Variants in GPC6 observed in about 807,000 individuals in gnomAD.
GPC6 encodes the protein glypican-6.
GPC6 carries 14 observed loss-of-function variants against 55.2 expected under a neutral mutation model. The ratio of observed to expected loss-of-function variants is 0.25; its 90% CI spans 0.17 to 0.40. The LOEUF (loss-of-function observed/expected upper bound fraction) is 0.40, where lower values mean the gene tolerates loss of function less well. Ranked by LOEUF, GPC6 falls within the 10% of genes least tolerant of loss-of-function variation. GPC6 has a pLI of 1.00. For missense variants in GPC6, 641 were observed against 708.5 expected (o/e 0.90, Z 1.08); for synonymous variants, 278 against 259.6 (o/e 1.07, Z -0.68).
intron 1 of GPC6, among the ~76,000 whole-genome samples, chr13:93,346,583 G>A (rs1880438751): frequency 6.6e-6 from 1 of 152,154 alleles, no homozygotes; most frequent in Non-Finnish European, 1.5e-5. Flanking sequence ...TGTAGAAAGT[G>A]CATCTCTGTT....
intron 1 of GPC6, among the ~76,000 whole-genome samples, chr13:93,483,932 T>C (rs1266246149): frequency 6.6e-6 from 1 of 152,192 alleles, no homozygotes; most frequent in Non-Finnish European, 1.5e-5. Flanking sequence ...ACAAGACTTA[T>C]TTGTGTAGAA....
intron 3 of GPC6, among the ~76,000 whole-genome samples, chr13:93,966,955 T>C (rs1218135084): frequency 6.6e-6 from 1 of 152,136 alleles, no homozygotes; most frequent in East Asian, 1.9e-4. Flanking sequence ...GCACCCGACA[T>C]GTTTCATTAT....
At chr13:94,365,821 C>A (rs1879263531) in intron 6 of GPC6, among the ~76,000 whole-genome samples, 1 of 152,160 alleles carries the variant, frequency 6.6e-6, no homozygotes, top group African/African-American at 2.4e-5. Flanking sequence ...TTCTTGTTTC[C>A]TGGTAAGTTC....
chr13:94,174,724 A>G (rs1394669383), intron 4 of GPC6, among the ~76,000 whole-genome samples: 1 of 152,194 alleles, frequency 6.6e-6, no homozygotes, highest in Non-Finnish European at 1.5e-5. Flanking sequence ...GCTTATTTAC[A>G]GTTATGAAAA....
Position 93,724,265 on chromosome 13 carries a change from T to C in GPC6, c.320-105889T>C, listed in dbSNP as rs182580515. Among the ~76,000 whole-genome samples the C allele has an allele frequency of 3.5e-3, 530 of 152,122 alleles. 5 individuals carry two copies. Among genetic ancestry groups the C allele is most frequent in the African/African-American group, 0.012 (509 of 41,546 alleles). The stretch of plus-strand genomic sequence containing the variant: ...ACTTTCAGTTTGAAGATGTATTGCT[T>C]TCAGGGGGAGTTTGTTACTAATGTT... On this transcript the variant is annotated intron_variant, in intron 2 of 8. Coordinates refer to ENST00000377047, the MANE Select transcript of GPC6 (RefSeq NM_005708.5).
chr13:93,640,646 C>T (rs981223982), intron 2 of GPC6, among the ~76,000 whole-genome samples: 2 of 151,968 alleles, frequency 1.3e-5, no homozygotes, highest in Non-Finnish European at 2.9e-5. Flanking sequence ...AGAATAAAAG[C>T]AGCCAAGCAA....
intron 1 of GPC6, among the ~76,000 whole-genome samples, chr13:93,273,769 T>G (rs1372579463): frequency 6.6e-6 from 1 of 152,210 alleles, no homozygotes; most frequent in Non-Finnish European, 1.5e-5. Flanking sequence ...CCCTTTAAGA[T>G]CAACTGATTG....
chr13:93,402,617 G>C (rs968514418), intron 1 of GPC6, among the ~76,000 whole-genome samples: 1 of 152,138 alleles, frequency 6.6e-6, no homozygotes, highest in African/African-American at 2.4e-5. Context: ...ACTGACAGTA[G>C]CCATATGTGC....
At chr13:94,063,965 C>A (rs1229138093) in intron 4 of GPC6, among the ~76,000 whole-genome samples, 8 of 152,126 alleles carry the variant, frequency 5.3e-5, no homozygotes, top group Admixed American at 5.2e-4. Context: ...CCAGGAAGAG[C>A]TGAGTATATT....
chr13:94,227,112 T>G (rs1890582971), intron 4 of GPC6, among the ~76,000 whole-genome samples: 1 of 152,228 alleles, frequency 6.6e-6, no homozygotes, highest in Non-Finnish European at 1.5e-5. Context: ...TAGAGGATTT[T>G]GTAGTCAACA....
intron 4 of GPC6, among the ~76,000 whole-genome samples, chr13:94,182,613 G>C: frequency 6.6e-6 from 1 of 152,090 alleles, no homozygotes; most frequent in East Asian, 1.9e-4. Flanking sequence ...CCTAAACCTT[G>C]AAGAAAAGTG....
chr13:93,645,981 G>A (rs1352908442), intron 2 of GPC6, among the ~76,000 whole-genome samples: 3 of 152,032 alleles, frequency 2.0e-5, no homozygotes, highest in Non-Finnish European at 4.4e-5. Flanking sequence ...CGACAGTACT[G>A]GGGAAATTAT....
intron 3 of GPC6, among the ~76,000 whole-genome samples, chr13:93,847,221 G>T (rs968328050): frequency 1.3e-5 from 2 of 152,114 alleles, no homozygotes; most frequent in Non-Finnish European, 2.9e-5. Flanking sequence ...ACTACTCTGT[G>T]ATTTTCAGTC....
chr13:94,344,213 T>G (rs781320673), intron 6 of GPC6, among the ~76,000 whole-genome samples: 5 of 152,166 alleles, frequency 3.3e-5, no homozygotes, highest in African/African-American at 4.8e-5. Flanking sequence ...TATGGAAAAT[T>G]TTGATATTTT....
intron 2 of GPC6, among the ~76,000 whole-genome samples, chr13:93,702,926 C>T (rs1882722004): frequency 6.6e-6 from 1 of 151,954 alleles, no homozygotes; most frequent in Admixed American, 6.6e-5. Flanking sequence ...TTCTTCAGAA[C>T]AGCAATAAGG....
At position 93,676,158 on chromosome 13, in the gene GPC6, TATATATATATACATACAC is replaced by T. The variant is rs1458131353; in HGVS notation, c.319+130739_319+130756del. Among the ~76,000 whole-genome samples, 77 of 23,016 alleles carry T rather than the reference TATATATATATACATACAC, an allele frequency of 3.3e-3. 2 individuals are homozygous for T. The highest frequency in any genetic ancestry group is 7.6e-3 in the African/African-American group (75 of 9,920). 15.1% of individuals were successfully genotyped at this position (23,016 alleles called of 152,430 possible). On this transcript the variant is annotated intron_variant, in intron 2 of 8. Transcript: ENST00000377047. ...ATATATATATATATATATATATATA[TATATATATATACATACAC>T]ACACACACACACACATATATATGTA...
intron 2 of GPC6, among the ~76,000 whole-genome samples, chr13:93,689,837 T>C (rs987279127): frequency 1.3e-5 from 2 of 152,166 alleles, no homozygotes; most frequent in African/African-American, 4.8e-5. Flanking sequence ...ATTATACATT[T>C]AAATACAATT....
At position 93,541,286 on chromosome 13, in the gene GPC6, T is replaced by C. The variant is rs537821068; in HGVS notation, c.161-3977T>C. ...TGAGAATATGCGGCATTTGGTTTTTTTGTTCTTGTGATAGTTTACTGAGAA... is the reference window on the plus strand; with the variant it reads ...TGAGAATATGCGGCATTTGGTTTTTCTGTTCTTGTGATAGTTTACTGAGAA... On this transcript the variant is annotated intron_variant, in intron 1 of 8. Coordinates refer to ENST00000377047, the MANE Select transcript of GPC6 (RefSeq NM_005708.5). 4.1e-5 allele frequency among the ~76,000 whole-genome samples: 6 copies of C among 145,986 alleles called. No individual in the cohort carries two copies. In the East Asian group the frequency reaches 1.2e-3, roughly 30 times the overall value.
intron 4 of GPC6, among the ~76,000 whole-genome samples, chr13:94,042,931 T>C (rs755815374): frequency 9.2e-5 from 14 of 151,908 alleles, no homozygotes; most frequent in Non-Finnish European, 1.5e-4. Flanking sequence ...TGTTTAGTTA[T>C]GTATTTATAT....
Sources: allele counts gnomAD v4.1 joint callset (sites outside exome capture counted in the v4.1 genomes callset), GRCh38; gene constraint gnomAD v4.1.1; transcripts MANE v1.5; gene names NCBI Gene and HGNC (gene_info 2026-07-23, HGNC 2026-07-21).